DOCK4: variants seen among roughly 807,000 people sequenced by gnomAD.
DOCK4 encodes dedicator of cytokinesis protein 4.
Under a neutral mutation model 268.1 loss-of-function variants are expected in DOCK4, and 97 were observed. The observed-to-expected ratio is 0.36, with a 90% CI of 0.31 to 0.43. The LOEUF (loss-of-function observed/expected upper bound fraction) is 0.43. Ranked by LOEUF, DOCK4 falls within the 20% of genes least tolerant of loss-of-function variation. DOCK4 has a pLI of 1.00. For missense variants in DOCK4, 2,145 were observed against 2,455.7 expected (o/e 0.87, Z 2.67); for synonymous variants, 954 against 887.2 (o/e 1.08, Z -1.34).
intron 30 of DOCK4, among the ~76,000 whole-genome samples, chr7:111,796,737 G>A (rs1799921441): frequency 6.6e-6 from 1 of 152,146 alleles, no homozygotes; most frequent in South Asian, 2.1e-4. Flanking sequence ...CTTGCCCAAA[G>A]GCAACACAGG....
intron 1 of DOCK4, among the ~76,000 whole-genome samples, chr7:112,028,037 G>T (rs944088676): frequency 6.6e-6 from 1 of 152,174 alleles, no homozygotes; most frequent in African/African-American, 2.4e-5. Flanking sequence ...AAGCCTCCAT[G>T]ACAAAGATAG....
At chr7:112,187,515 G>C (rs1312807302) in intron 1 of DOCK4, among the ~76,000 whole-genome samples, 3 of 152,102 alleles carry the variant, frequency 2.0e-5, no homozygotes, top group Non-Finnish European at 4.4e-5. Context: ...GCCTCTCCAT[G>C]CTCCACTTTT....
chr7:111,769,508 G>A (rs998218712), intron 37 of DOCK4, 21 bp downstream of exon 37: 38 of 1,612,640 alleles, frequency 2.4e-5, no homozygotes, highest in Non-Finnish European at 3.0e-5. Context: ...GAGGGACCCC[G>A]GGCGGGGCAG....
intron 1 of DOCK4, among the ~76,000 whole-genome samples, chr7:112,186,928 AT>A (rs1819532936): frequency 6.6e-6 from 1 of 152,196 alleles, no homozygotes; most frequent in South Asian, 2.1e-4. Flanking sequence ...TGCCATGGCT[AT>A]TAAAAATAGA....
Position 111,834,684 on chromosome 7 carries a change from C to T in DOCK4, c.2739G>A (p.Gly913=), listed in dbSNP as rs562133230. Residue 913 remains glycine, a splice_region_variant and synonymous_variant, in exon 26 of 53, where the codon GGG becomes GGA. Transcript: ENST00000428084. ...GGGACAGGAGACAAGCAACAAACTC[C>T]CCCTAAGTTAAAAAAAAAAAAAGCA... ...AMRFQFQDVT[G]EFVACLLSLL... 48 of 1,515,200 alleles carry T rather than the reference C, an allele frequency of 3.2e-5. No homozygotes were observed. The South Asian group carries it at 4.8e-4, about 15-fold the overall frequency. The allele number at this position is 1,515,200 out of a possible 1,614,324, so 93.9% of individuals were successfully genotyped here.
intron 49 of DOCK4, among the ~76,000 whole-genome samples, chr7:111,738,306 C>T (rs138544580): frequency 1.2e-4 from 18 of 152,146 alleles, no homozygotes; most frequent in Non-Finnish European, 2.6e-4. Flanking sequence ...AGGACTGAAC[C>T]GCTCTTTTCT....
chr7:112,193,952 G>C (rs1820193499), intron 1 of DOCK4, among the ~76,000 whole-genome samples: 1 of 151,956 alleles, frequency 6.6e-6, no homozygotes, highest in Non-Finnish European at 1.5e-5. Context: ...CCTATGAAGA[G>C]AGCATGTGAG....
At chr7:112,108,400 T>C (rs1358897222) in intron 1 of DOCK4, among the ~76,000 whole-genome samples, 1 of 152,184 alleles carries the variant, frequency 6.6e-6, no homozygotes, top group East Asian at 1.9e-4. Context: ...CCTGCTCTGA[T>C]TTTAAACTTC....
intron 1 of DOCK4, among the ~76,000 whole-genome samples, chr7:112,096,250 A>G (rs1398997747): frequency 2.6e-5 from 4 of 152,114 alleles, no homozygotes; most frequent in African/African-American, 9.7e-5. Flanking sequence ...AACATGGTTC[A>G]CTGTAACCTT....
At chr7:111,983,854 G>GCACACA (rs57739762) in intron 7 of DOCK4, among the ~76,000 whole-genome samples, 7 of 88,036 alleles carry the variant, frequency 8.0e-5, no homozygotes, top group African/African-American at 2.8e-4. Flanking sequence ...ACGCGCGCGC[G>GCACACA]CGCGCGCGCA....
chr7:111,731,090 T>G (rs1795053690), intron 52 of DOCK4, among the ~76,000 whole-genome samples: 1 of 152,182 alleles, frequency 6.6e-6, no homozygotes, highest in African/African-American at 2.4e-5. Flanking sequence ...GGTGACAGGC[T>G]ATGACTTCCA....
At chr7:112,090,351 G>C (rs751372075) in intron 1 of DOCK4, among the ~76,000 whole-genome samples, 1 of 152,024 alleles carries the variant, frequency 6.6e-6, no homozygotes, top group South Asian at 2.1e-4. Context: ...ATAGAGTTAT[G>C]GATTAAGATC....
chr7:111,945,884 G>T, intron 8 of DOCK4, 86 bp from the exon 9 acceptor site: 1 of 995,958 alleles, frequency 1.0e-6, no homozygotes, highest in Non-Finnish European at 1.5e-6. Flanking sequence ...ATCACAACAG[G>T]TAAGCTAAAT....
intron 38 of DOCK4, 82 bp from the exon 39 acceptor site, chr7:111,765,304 C>A (rs1246041470): frequency 2.4e-6 from 2 of 839,704 alleles, no homozygotes; most frequent in African/African-American, 3.6e-5. Context: ...TTCTTTTTTA[C>A]ATAAAGGAGA....
rs1310432841 is a variant in DOCK4 at position 111,755,573 on chromosome 7, T to C, written c.4358A>G (p.Tyr1453Cys). The C allele has an allele frequency of 6.2e-7, 1 of 1,613,938 alleles. No homozygotes were observed. The highest frequency in any genetic ancestry group is 8.5e-7 in the Non-Finnish European group (1 of 1,179,874). ...KSLWVERTSL[Y>C]LVQSLPGISR... is the part of the protein sequence containing the mutation. The stretch of plus-strand genomic sequence containing the variant: ...GATGCCAGGCAAACTCTGCACCAAG[T>C]ATAATGACGTTCTCTCCACCCAGAG... Residue 1453 changes from tyrosine (Y) to cysteine (C), a missense_variant, in exon 42 of 53, where the codon TAC becomes TGC. Tyr to Cys is a radical substitution (Grantham distance 194). Coordinates refer to ENST00000428084, the MANE Select transcript of DOCK4 (RefSeq NM_001363540.2).
At chr7:111,876,770 C>T (rs540061960) in intron 17 of DOCK4, among the ~76,000 whole-genome samples, 18 of 139,468 alleles carry the variant, frequency 1.3e-4, no homozygotes, top group African/African-American at 4.5e-4. Context: ...TTTTTCAAAG[C>T]ATCTGGGTTT....
chr7:111,856,935 C>T (rs964450040), intron 23 of DOCK4, among the ~76,000 whole-genome samples: 1 of 152,194 alleles, frequency 6.6e-6, no homozygotes, highest in Non-Finnish European at 1.5e-5. Flanking sequence ...TGCATTATTA[C>T]TCTGCTTCTA....
chr7:112,065,169 T>C (rs1806801561), intron 1 of DOCK4, among the ~76,000 whole-genome samples: 1 of 152,140 alleles, frequency 6.6e-6, no homozygotes, highest in Non-Finnish European at 1.5e-5. Flanking sequence ...TTAAAACAAC[T>C]TCGAACATCT....
chr7:111,824,273 ATTCTT>A (rs1367346087), intron 26 of DOCK4, among the ~76,000 whole-genome samples: 1 of 152,130 alleles, frequency 6.6e-6, no homozygotes, highest in African/African-American at 2.4e-5. Flanking sequence ...TTCTCAGTTG[ATTCTT>A]TTGAGTTACT....
Sources: gnomAD v4.1 joint callset for allele counts (sites outside exome capture counted in the v4.1 genomes callset) on GRCh38, gnomAD v4.1.1 for gene constraint, MANE v1.5 for transcripts, NCBI Gene and HGNC (gene_info 2026-07-23, HGNC 2026-07-21) for gene names.